ITGA11: variants seen among roughly 807,000 people sequenced by gnomAD.
ITGA11 encodes the protein integrin alpha-11.
A neutral mutation model predicts 141.9 loss-of-function variants in ITGA11; 97 were observed. The observed-to-expected ratio is 0.68, with a 90% CI of 0.58 to 0.81. ITGA11 has a LOEUF of 0.81. ITGA11 is among the 30% of genes least tolerant of loss of function. ITGA11 has a pLI of 0.00. For missense variants in ITGA11, 1,387 were observed against 1,559.2 expected (o/e 0.89, Z 1.86); for synonymous variants, 658 against 624.6 (o/e 1.05, Z -0.80).
intron 1 of ITGA11, among the ~76,000 whole-genome samples, chr15:68,406,665 G>A (rs894286966): frequency 2.0e-5 from 3 of 152,094 alleles, no homozygotes; most frequent in African/African-American, 7.2e-5. Context: ...TAAGTGCCAC[G>A]GGACTCTGCT....
intron 3 of ITGA11, chr15:68,365,255 T>C (rs949115002): frequency 1.0e-6 from 1 of 985,280 alleles, no homozygotes; most frequent in African/African-American, 1.7e-5. Context: ...ACTTCTCTGC[T>C]CATCTGAACA....
At chr15:68,401,995 A>G (rs544918911) in intron 2 of ITGA11, among the ~76,000 whole-genome samples, 2 of 139,808 alleles carry the variant, frequency 1.4e-5, no homozygotes, top group Non-Finnish European at 3.0e-5. Flanking sequence ...GGAAACAGCA[A>G]TGCTGCGATT....
chr15:68,336,063 A>C, intron 11 of ITGA11: 1 of 597,002 alleles, frequency 1.7e-6, no homozygotes, highest in South Asian at 2.0e-5. Context: ...GGGTAGGGAG[A>C]ACTCACTGCA....
chr15:68,316,327 A>G (rs948691082), intron 21 of ITGA11, among the ~76,000 whole-genome samples: 1 of 152,208 alleles, frequency 6.6e-6, no homozygotes, highest in Non-Finnish European at 1.5e-5. Context: ...CGGTGGGGAA[A>G]CATGCGACCC....
At chr15:68,364,651 C>CCA in intron 4 of ITGA11, 56 bp downstream of exon 4, 1 of 1,029,978 alleles carries the variant, frequency 9.7e-7, no homozygotes. Flanking sequence ...CGCTCCACCC[C>CCA]TCCCCACCCC....
intron 2 of ITGA11, among the ~76,000 whole-genome samples, chr15:68,386,525 C>T (rs867063215): frequency 6.6e-6 from 1 of 152,184 alleles, no homozygotes. Flanking sequence ...TCTGTCCCTC[C>T]ATGGCTGAGG....
chr15:68,308,984 G>A lies in ITGA11; in HGVS notation c.3175-1288C>T, dbSNP rs533229700. Among the ~76,000 whole-genome samples, 2 of 152,294 alleles carry A rather than the reference G, an allele frequency of 1.3e-5. No individual in the cohort carries two copies. Among genetic ancestry groups the A allele is most frequent in the East Asian group, 1.9e-4 (1 of 5,186 alleles). On this transcript the variant is annotated intron_variant, in intron 26 of 29. Transcript: ENST00000315757. The surrounding 1 kb of genome is among the most constrained non-coding windows in gnomAD (Gnocchi z 5.2). ...AAAATTAAAGTTGAGCAAAATTTCCGCTTGACGGGTGCCCAATCTGTTGCA... is the reference window on the plus strand; with the variant it reads ...AAAATTAAAGTTGAGCAAAATTTCCACTTGACGGGTGCCCAATCTGTTGCA...
chr15:68,326,725 GGTCCCCGCCCTC>G lies in ITGA11; in HGVS notation c.2128_2139del (p.Glu710_Asp713del). 6.3e-7 allele frequency: 1 copy of G among 1,583,700 alleles called. No individual in the cohort carries two copies. Among genetic ancestry groups the G allele is most frequent in the Non-Finnish European group, 8.6e-7 (1 of 1,164,920 alleles). On this transcript the variant is annotated inframe_deletion, in exon 17 of 30. Transcript: ENST00000315757. The surrounding 1 kb of genome is among the most constrained non-coding windows in gnomAD (Gnocchi z 6.8). The stretch of plus-strand genomic sequence containing the variant: ...AGCAGTACGGCTCTGTTGGTGAATC[GGTCCCCGCCCTC>G]GTCCAGGTGGGCCCTCGGTGTATAC...
rs771409583 is a variant in ITGA11 at position 68,312,877 on chromosome 15, G to A, written c.2883-14C>T. 8.8e-6 allele frequency: 14 copies of A among 1,590,596 alleles called. No individual in the cohort carries two copies. In the South Asian group the frequency reaches 1.2e-4, roughly 14 times the overall value. On this transcript the variant is annotated splice_polypyrimidine_tract_variant and intron_variant, in intron 23 of 29. Transcript: ENST00000315757. ...AGGCTGCTGCTCCTGCGGAGACAGA[G>A]GACAGGGCTGTCGTGAGCTCAGTCA...
intron 2 of ITGA11, among the ~76,000 whole-genome samples, chr15:68,394,371 A>G (rs546877393): frequency 6.6e-6 from 1 of 152,286 alleles, no homozygotes; most frequent in African/African-American, 2.4e-5. Flanking sequence ...CCCACGGTCC[A>G]AGGAAGAAAT....
intron 4 of ITGA11, among the ~76,000 whole-genome samples, chr15:68,362,910 GATGAATGGGTGGATGGATGATGGATGA>G (rs1895293942): frequency 6.6e-6 from 1 of 151,396 alleles, no homozygotes; most frequent in Non-Finnish European, 1.5e-5. Flanking sequence ...ATGGTTGATG[GATGAATGGGTGGATGGATGATGGATGA>G]ATGGATGATG....
intron 2 of ITGA11, among the ~76,000 whole-genome samples, chr15:68,387,702 G>A (rs1358515970): frequency 6.6e-6 from 1 of 152,074 alleles, no homozygotes; most frequent in Non-Finnish European, 1.5e-5. Flanking sequence ...CCAGTGCTGT[G>A]AGCTGCCCAG....
At chr15:68,428,801 A>G (rs1897202924) in intron 1 of ITGA11, among the ~76,000 whole-genome samples, 1 of 152,072 alleles carries the variant, frequency 6.6e-6, no homozygotes, top group Non-Finnish European at 1.5e-5. Flanking sequence ...CTCCTTTTCC[A>G]CACCACAATA....
chr15:68,348,173 G>T (rs749798892), intron 10 of ITGA11, among the ~76,000 whole-genome samples: 5 of 152,192 alleles, frequency 3.3e-5, no homozygotes, highest in Non-Finnish European at 5.9e-5. Context: ...CACAGCGGGG[G>T]AGTGATGCAG....
At chr15:68,425,829 C>T (rs995755010) in intron 1 of ITGA11, among the ~76,000 whole-genome samples, 8 of 152,238 alleles carry the variant, frequency 5.3e-5, no homozygotes, top group Admixed American at 3.3e-4. Flanking sequence ...AGTGATGCTG[C>T]TGGGGGAAGA....
chr15:68,367,353 C>T (rs1895455065), intron 3 of ITGA11, among the ~76,000 whole-genome samples: 2 of 152,176 alleles, frequency 1.3e-5, no homozygotes, highest in African/African-American at 2.4e-5. Flanking sequence ...AACCTCATTG[C>T]CTCTGTCCCA....
intron 6 of ITGA11, 144 bp from the exon 7 acceptor site, chr15:68,357,443 C>A (rs1217865654): frequency 2.1e-6 from 2 of 972,156 alleles, no homozygotes; most frequent in Non-Finnish European, 2.9e-6. Flanking sequence ...AAGAAAGTAA[C>A]CACAGCCAAA....
At chr15:68,426,514 G>A (rs189688928) in intron 1 of ITGA11, among the ~76,000 whole-genome samples, 12 of 152,256 alleles carry the variant, frequency 7.9e-5, no homozygotes, top group Admixed American at 6.5e-4. Flanking sequence ...ATCATAGGAG[G>A]ACCACTTCTA....
Position 68,315,731 on chromosome 15 carries a change from C to T in ITGA11, c.2716-4G>A, listed in dbSNP as rs771983985. 6.2e-7 allele frequency: 1 copy of T among 1,608,216 alleles called. No homozygotes were observed. The highest frequency in any genetic ancestry group is 1.7e-5 in the Admixed American group (1 of 59,394). On this transcript the variant is annotated splice_polypyrimidine_tract_variant and splice_region_variant and intron_variant, in intron 21 of 29. Coordinates refer to ENST00000315757, the MANE Select transcript of ITGA11 (RefSeq NM_001004439.2). The stretch of plus-strand genomic sequence containing the variant: ...CAAAATCAAGACGGAAAGCCACCTG[C>T]AAGGAAGCAGTCGCATGTCTGGGCA...
Sources: allele counts gnomAD v4.1 joint callset (sites outside exome capture counted in the v4.1 genomes callset), GRCh38; gene constraint gnomAD v4.1.1; non-coding constraint Gnocchi (gnomAD v3.1); transcripts MANE v1.5; gene names NCBI Gene and HGNC (gene_info 2026-07-23, HGNC 2026-07-21).